PRKG1: variants seen among roughly 807,000 people sequenced by gnomAD.
PRKG1 encodes cGMP-dependent protein kinase 1.
In PRKG1, 35 loss-of-function variants were observed where a neutral mutation model predicts 88.1. That is an observed-to-expected ratio of 0.40 (90% confidence interval 0.30 to 0.53). The LOEUF (loss-of-function observed/expected upper bound fraction) is 0.53. PRKG1 is among the 20% of genes least tolerant of loss of function. PRKG1 has a pLI of 0.59. For synonymous variants in PRKG1, 303 were observed against 292.5 expected, an observed-to-expected ratio of 1.04 and a Z score of -0.37; for missense variants, 540 against 839.8, an observed-to-expected ratio of 0.64 and a Z score of 4.41.
chr10:51,097,685 C>T (rs1365641529), intron 1 of PRKG1, among the ~76,000 whole-genome samples: 8 of 152,026 alleles, frequency 5.3e-5, no homozygotes, highest in Non-Finnish European at 1.5e-5. Flanking sequence ...TTGCAGTGCC[C>T]GCCCTCCTTC....
chr10:52,083,201 A>G (rs1227565080), intron 7 of PRKG1, among the ~76,000 whole-genome samples: 1 of 152,006 alleles, frequency 6.6e-6, no homozygotes, highest in African/African-American at 2.4e-5. Context: ...ACTTAATTTG[A>G]TGTTTTTCGT....
At chr10:51,564,219 A>G (rs1837541905) in intron 3 of PRKG1, among the ~76,000 whole-genome samples, 1 of 148,920 alleles carries the variant, frequency 6.7e-6, no homozygotes, top group Admixed American at 6.6e-5. Flanking sequence ...CAGGCAAAAC[A>G]AAACAAAACA....
At chr10:52,097,494 T>C (rs1489906357) in intron 7 of PRKG1, among the ~76,000 whole-genome samples, 1 of 152,192 alleles carries the variant, frequency 6.6e-6, no homozygotes. Context: ...ATAGTCTTCA[T>C]TGATAAGATA....
chr10:51,813,385 G>A (rs541044445), intron 4 of PRKG1, among the ~76,000 whole-genome samples: 2 of 152,188 alleles, frequency 1.3e-5, no homozygotes, highest in African/African-American at 4.8e-5. Flanking sequence ...TTACATTTAG[G>A]TGCAATAAAA....
chr10:51,138,681 T>TTTG (rs1589187139), intron 1 of PRKG1, among the ~76,000 whole-genome samples: 1 of 126,442 alleles, frequency 7.9e-6, no homozygotes, highest in East Asian at 2.5e-4. Context: ...TTTTGTTTTT[T>TTTG]TTTTTTTTTT....
At chr10:52,283,345 A>G (rs969333954) in intron 14 of PRKG1, among the ~76,000 whole-genome samples, 4 of 152,098 alleles carry the variant, frequency 2.6e-5, no homozygotes, top group African/African-American at 9.7e-5. Context: ...GCAGGATGTG[A>G]AGAATTACTT....
At chr10:51,570,899 C>A (rs1837736029) in intron 3 of PRKG1, among the ~76,000 whole-genome samples, 1 of 151,920 alleles carries the variant, frequency 6.6e-6, no homozygotes, top group South Asian at 2.1e-4. Flanking sequence ...GGAACTGTAA[C>A]CCATCAAAAT....
chr10:51,043,305 C>T (rs1247920418), intron 1 of PRKG1, among the ~76,000 whole-genome samples: 3 of 152,112 alleles, frequency 2.0e-5, no homozygotes, highest in African/African-American at 7.2e-5. Flanking sequence ...TTCACCACTG[C>T]AGAATGAATA....
chr10:51,098,406 G>A (rs943423405), intron 1 of PRKG1, among the ~76,000 whole-genome samples: 1 of 152,174 alleles, frequency 6.6e-6, no homozygotes, highest in Non-Finnish European at 1.5e-5. Context: ...ATTGGAGAGA[G>A]TGTGGATTGG....
Position 52,110,392 on chromosome 10 carries a change from G to A in PRKG1, c.936-23448G>A, listed in dbSNP as rs183192583. ...ACCTGATTCCAGGTTGAGGATGCAC[G>A]TGTAGATCTCTTTTTGTACTCTATT... On this transcript the variant is annotated intron_variant, in intron 7 of 17. Coordinates refer to ENST00000373980, the MANE Select transcript of PRKG1 (RefSeq NM_006258.4). Among the ~76,000 whole-genome samples, 104 of 152,086 alleles carry A rather than the reference G, an allele frequency of 6.8e-4. 1 individual carries two copies. Among genetic ancestry groups the A allele is most frequent in the African/African-American group, 2.3e-3 (97 of 41,510 alleles).
intron 2 of PRKG1, among the ~76,000 whole-genome samples, chr10:51,190,062 G>A (rs1469153546): frequency 6.6e-6 from 1 of 151,952 alleles, no homozygotes; most frequent in South Asian, 2.1e-4. Context: ...GGTTATGTGT[G>A]TGAGTGGTTA....
chr10:51,454,687 G>A (rs182233843), intron 2 of PRKG1, among the ~76,000 whole-genome samples: 2 of 152,264 alleles, frequency 1.3e-5, no homozygotes, highest in East Asian at 3.9e-4. Flanking sequence ...TGAGAGCCCA[G>A]TGAAAGGGAA....
intron 5 of PRKG1, among the ~76,000 whole-genome samples, chr10:52,015,772 T>C (rs1845023465): frequency 6.6e-6 from 1 of 152,228 alleles, no homozygotes; most frequent in South Asian, 2.1e-4. Flanking sequence ...CTGAATGCTT[T>C]GCTGCTTAGG....
At chr10:51,895,775 A>G (rs1242565440) in intron 4 of PRKG1, among the ~76,000 whole-genome samples, 2 of 152,130 alleles carry the variant, frequency 1.3e-5, no homozygotes, top group Non-Finnish European at 2.9e-5. Context: ...TTTAAAGCCT[A>G]GATTCATTGG....
chr10:51,404,125 G>A (rs1837837289), intron 2 of PRKG1, among the ~76,000 whole-genome samples: 1 of 152,166 alleles, frequency 6.6e-6, no homozygotes, highest in Non-Finnish European at 1.5e-5. Context: ...GGTACCATTA[G>A]GAACGGCCCT....
At chr10:51,474,018 C>T (rs886389243) in intron 3 of PRKG1, among the ~76,000 whole-genome samples, 16 of 152,044 alleles carry the variant, frequency 1.1e-4, no homozygotes, top group African/African-American at 3.6e-4. Flanking sequence ...ACCTTCCTGC[C>T]TATAGGTCAG....
At chr10:52,234,062 C>G (rs1217647152) in intron 9 of PRKG1, among the ~76,000 whole-genome samples, 1 of 151,942 alleles carries the variant, frequency 6.6e-6, no homozygotes, top group Non-Finnish European at 1.5e-5. Flanking sequence ...ACACTGACAC[C>G]TCACACAGCA....
chr10:52,015,940 C>T (rs1845028789), intron 5 of PRKG1, among the ~76,000 whole-genome samples: 1 of 152,226 alleles, frequency 6.6e-6, no homozygotes, highest in African/African-American at 2.4e-5. Flanking sequence ...GAGACCACCT[C>T]AGCCTGGACT....
At chr10:51,926,271 C>T (rs919922352) in intron 5 of PRKG1, among the ~76,000 whole-genome samples, 21 of 151,988 alleles carry the variant, frequency 1.4e-4, no homozygotes, top group Non-Finnish European at 8.8e-5. Context: ...CAAGAGAGAA[C>T]AGTGAGGAAT....
Sources: gnomAD v4.1 joint callset for allele counts (sites outside exome capture counted in the v4.1 genomes callset) on GRCh38, gnomAD v4.1.1 for gene constraint, MANE v1.5 for transcripts, NCBI Gene and HGNC (gene_info 2026-07-23, HGNC 2026-07-21) for gene names.